Variants in KIF13B observed in about 807,000 individuals in gnomAD.
The protein encoded by KIF13B is kinesin-like protein KIF13B.
In KIF13B, 127 loss-of-function variants were observed where a neutral mutation model predicts 222.0. The ratio of observed to expected loss-of-function variants is 0.57; its 90% confidence interval spans 0.50 to 0.66. The LOEUF is 0.66. KIF13B is among the 30% of genes least tolerant of loss of function. The pLI, the probability that KIF13B is intolerant of heterozygous loss-of-function variation, is 0.00. For missense variants in KIF13B, 2,173 were observed against 2,379.0 expected (o/e 0.91, Z 1.80); for synonymous variants, 976 against 919.0 (o/e 1.06, Z -1.12).
At chr8:29,234,651 G>A (rs1221008605) in intron 2 of KIF13B, among the ~76,000 whole-genome samples, 5 of 134,514 alleles carry the variant, frequency 3.7e-5, no homozygotes, top group African/African-American at 1.1e-4. Flanking sequence ...ATGGTTAAAT[G>A]ATTAATTTTC....
intron 11 of KIF13B, 89 bp from the exon 12 acceptor site, chr8:29,165,861 T>C: frequency 2.4e-6 from 2 of 830,320 alleles, no homozygotes; most frequent in East Asian, 5.0e-5. Context: ...AGTAACAATC[T>C]GCCTCCTCAT....
Position 29,109,439 on chromosome 8 carries a change from T to A in KIF13B, c.4156A>T (p.Asn1386Tyr). The stretch of plus-strand genomic sequence containing the variant: ...GCTTGGTTCCACACACTCACTCTGT[T>A]CACATTTGGAGAACTGATACTCCTC... ...SRRSISSPNV[N>Y]RLSGSRQDLI... is the part of the protein sequence containing the mutation. The change falls in exon 34 of 40, where the codon AAC (asparagine) becomes TAC (tyrosine). Residue 1386 changes from asparagine to tyrosine, a missense_variant. By Grantham distance (143) the Asn-to-Tyr change is moderately radical. This residue lies in a region of KIF13B where 693 missense variants were observed against 656.2 expected (regional missense o/e 1.06). Transcript: ENST00000524189. 1 of 1,612,922 alleles carries A rather than the reference T, an allele frequency of 6.2e-7. No individual in the cohort carries two copies. Among genetic ancestry groups the A allele is most frequent in the Non-Finnish European group, 8.5e-7 (1 of 1,178,894 alleles).
intron 36 of KIF13B, among the ~76,000 whole-genome samples, chr8:29,097,638 C>G (rs1206957106): frequency 6.6e-6 from 1 of 151,900 alleles, no homozygotes; most frequent in Non-Finnish European, 1.5e-5. Flanking sequence ...ATCAAAGAAG[C>G]AATCAGAGGG....
chr8:29,228,472 A>AAAAAAAATATATATATATATAT, intron 2 of KIF13B, among the ~76,000 whole-genome samples: 1 of 117,084 alleles, frequency 8.5e-6, no homozygotes, highest in African/African-American at 3.3e-5. Flanking sequence ...ATCTTAAAAA[A>AAAAAAAATATATATATATATAT]ATATATATAT....
chr8:29,148,841 A>T, intron 15 of KIF13B, 74 bp from the exon 16 acceptor site: 1 of 1,242,304 alleles, frequency 8.0e-7, no homozygotes, highest in Non-Finnish European at 1.1e-6. Flanking sequence ...AAGTACTGGT[A>T]TCTGTTAGAA....
At chr8:29,191,162 A>G in intron 3 of KIF13B, 105 bp from the exon 4 acceptor site, 6 of 791,112 alleles carry the variant, frequency 7.6e-6, no homozygotes, top group Non-Finnish European at 1.0e-5. Flanking sequence ...ACTTACTGTC[A>G]TACAATGGGA....
chr8:29,111,269 T>C (rs1354013867), intron 32 of KIF13B, among the ~76,000 whole-genome samples: 3 of 152,238 alleles, frequency 2.0e-5, no homozygotes, highest in East Asian at 1.9e-4. Context: ...CAACACAGAA[T>C]ACTTTCAGGG....
rs528637492 is a variant in KIF13B, at chr8:29,079,242, C to G, written c.4459-3899G>C. 4.6e-5 allele frequency among the ~76,000 whole-genome samples: 7 copies of G among 152,322 alleles called. No individual in the cohort carries two copies. The East Asian group carries it at 1.3e-3, about 29-fold the overall frequency. On this transcript the variant is annotated intron_variant, in intron 37 of 39. Coordinates refer to ENST00000524189, the MANE Select transcript of KIF13B (RefSeq NM_015254.4). Reference sequence around the variant, plus strand: ...ACTCCGCCCCCGTGGAATCGTGTTCCATCTAGTGAATACCGATTCATTTCT... The same window carrying G: ...ACTCCGCCCCCGTGGAATCGTGTTCGATCTAGTGAATACCGATTCATTTCT...
Position 29,134,218 on chromosome 8 carries a change from A to G in KIF13B, c.2614-8T>C. On this transcript the variant is annotated splice_region_variant and splice_polypyrimidine_tract_variant and intron_variant, in intron 21 of 39. Transcript: ENST00000524189. The stretch of plus-strand genomic sequence containing the variant: ...AGCTTGCAGGATTTTAACCTGAAGG[A>G]AAAAGAAGGCTCTGTGTTTTGAAAT... The G allele has an allele frequency of 6.2e-7, 1 of 1,612,292 alleles. No homozygotes were observed. Among genetic ancestry groups the G allele is most frequent in the African/African-American group, 1.3e-5 (1 of 74,934 alleles).
intron 35 of KIF13B, among the ~76,000 whole-genome samples, chr8:29,103,703 A>T (rs901027712): frequency 4.6e-5 from 7 of 151,992 alleles, no homozygotes; most frequent in African/African-American, 1.7e-4. Context: ...ATCGACAAAT[A>T]GAGGAATGGA....
intron 5 of KIF13B, 34 bp downstream of exon 5, chr8:29,188,481 G>T (rs765180854): frequency 8.7e-6 from 11 of 1,257,466 alleles, no homozygotes; most frequent in Non-Finnish European, 1.3e-5. Flanking sequence ...TTCATTGATG[G>T]TTGTTTATGT....
rs752297008 is a variant in KIF13B at position 29,176,176 on chromosome 8, G to A, written c.837C>T (p.Ser279=). ...RLKEGSNINK[S]LTTLGLVISA... The stretch of plus-strand genomic sequence containing the variant: ...AGATAACCAGACCGAGGGTTGTGAG[G>A]GACCTGCATGGTGCAACAAACCAAA... The change falls in exon 10 of 40, where the codon TCC becomes TCT. Residue 279 remains serine (S), a synonymous_variant. Coordinates refer to ENST00000524189, the MANE Select transcript of KIF13B (RefSeq NM_015254.4). 8.8e-6 allele frequency: 14 copies of A among 1,587,310 alleles called. No individual in the cohort carries two copies. The African/African-American group carries it at 1.5e-4, about 17-fold the overall frequency.
intron 1 of KIF13B, among the ~76,000 whole-genome samples, chr8:29,251,435 T>C (rs1354560127): frequency 6.6e-6 from 1 of 152,178 alleles, no homozygotes; most frequent in African/African-American, 2.4e-5. Flanking sequence ...ACTGGAAAAG[T>C]ATTCAGCCTT....
chr8:29,241,752 C>G (rs974931734), intron 2 of KIF13B, among the ~76,000 whole-genome samples: 1 of 150,492 alleles, frequency 6.6e-6, no homozygotes, highest in South Asian at 2.1e-4. Context: ...GAATGTCCTC[C>G]ATAAAGCAGA....
intron 35 of KIF13B, among the ~76,000 whole-genome samples, chr8:29,102,498 A>AG (rs1808839040): frequency 6.6e-6 from 1 of 152,208 alleles, no homozygotes; most frequent in African/African-American, 2.4e-5. Flanking sequence ...CACCATGCTC[A>AG]GGGGCAAAGT....
At chr8:29,245,656 T>C (rs1052846377) in intron 1 of KIF13B, among the ~76,000 whole-genome samples, 1 of 152,180 alleles carries the variant, frequency 6.6e-6, no homozygotes, top group Non-Finnish European at 1.5e-5. Context: ...CTTCCCACCC[T>C]ACATCAGGAA....
chr8:29,072,301 C>G lies in KIF13B; in HGVS notation c.4537G>C (p.Gly1513Arg). ...TRMEEAQPEM[G>R]PDVLVQTMGA... ...ATCGTCTGCACCAGCACGTCAGGGC[C>G]CATCTCCGGCTGAGCCTGCAGCAGG... The change falls in exon 39 of 40, where the codon GGC (glycine) becomes CGC (arginine). Residue 1513 changes from glycine to arginine, a missense_variant. Transcript: ENST00000524189. The G allele has an allele frequency of 7.0e-7, 1 of 1,422,404 alleles. No homozygotes were observed. The highest frequency in any genetic ancestry group is 1.6e-5 in the South Asian group (1 of 61,630). 88.1% of individuals were successfully genotyped at this position (1,422,404 alleles called of 1,614,324 possible).
At position 29,071,942 on chromosome 8, in the gene KIF13B, CCGACCGGGGCTCA is replaced by C; in HGVS notation, c.4883_4895del (p.Val1628GlyfsTer86). 2 of 1,382,432 alleles carry C rather than the reference CCGACCGGGGCTCA, an allele frequency of 1.4e-6. No homozygotes were observed. Among genetic ancestry groups the C allele is most frequent in the Non-Finnish European group, 1.9e-6 (2 of 1,076,390 alleles). 85.6% of individuals were successfully genotyped at this position (1,382,432 alleles called of 1,614,324 possible). On this transcript the variant is annotated frameshift_variant, in exon 39 of 40. Transcript: ENST00000524189. LOFTEE classifies it high-confidence loss of function. This position sits in a 1 kb window ranked among gnomAD's most constrained non-coding sequence, Gnocchi z 4.9. Reference sequence around the variant, plus strand: ...CCGGGGCCTCGAGGTCGGGGCGCTCCCGACCGGGGCTCACGAGCTGCTGGGGGCCAGGGGGCTC... The same window carrying C: ...CCGGGGCCTCGAGGTCGGGGCGCTCCCGAGCTGCTGGGGGCCAGGGGGCTC...
intron 2 of KIF13B, among the ~76,000 whole-genome samples, chr8:29,224,100 G>A (rs1026371911): frequency 4.9e-5 from 7 of 142,780 alleles, no homozygotes; most frequent in East Asian, 4.3e-4. Context: ...CTGGGTTCAC[G>A]CCATTCTCCG....
Sources: allele counts gnomAD v4.1 joint callset (sites outside exome capture counted in the v4.1 genomes callset), GRCh38; gene constraint gnomAD v4.1.1; regional missense constraint gnomAD v4.1.1; non-coding constraint Gnocchi (gnomAD v3.1); transcripts MANE v1.5; gene names NCBI Gene and HGNC (gene_info 2026-07-23, HGNC 2026-07-21).